Variants in CUX1 observed in about 807,000 individuals in gnomAD.
CUX1 encodes cut like homeobox 1.
Under a neutral mutation model 158.8 loss-of-function variants are expected in CUX1, and 31 were observed. The ratio of observed to expected loss-of-function variants is 0.20; its 90% confidence interval spans 0.15 to 0.26. The LOEUF (loss-of-function observed/expected upper bound fraction) is 0.26, where lower values mean the gene tolerates loss of function less well. Among genes scored for constraint, CUX1 ranks in the 10% least tolerant of loss-of-function variants. CUX1 has a pLI of 1.00. For missense variants in CUX1, 1,589 were observed against 2,014.6 expected (o/e 0.79, Z 4.04); for synonymous variants, 879 against 862.1 (o/e 1.02, Z -0.34).
chr7:102,024,827 A>G (rs1819798182), intron 2 of CUX1, among the ~76,000 whole-genome samples: 1 of 152,114 alleles, frequency 6.6e-6, no homozygotes, highest in Non-Finnish European at 1.5e-5. Flanking sequence ...TGAAAAGCAC[A>G]GTGGGTGAAA....
At chr7:102,231,221 G>A (rs981230787) in intron 21 of CUX1, among the ~76,000 whole-genome samples, 4 of 151,934 alleles carry the variant, frequency 2.6e-5, no homozygotes, top group Non-Finnish European at 4.4e-5. Context: ...TAGTAGAGAC[G>A]GGGTTTCACT....
Position 102,104,321 on chromosome 7 carries a change from T to TC in CUX1, c.407-15_407-14insC. ...TGCTTCTCTTACTGTAGGTTTTTTT[T>TC]TTTCTTTTCTGCAGAGGTTACGATA... On this transcript the variant is annotated splice_polypyrimidine_tract_variant and intron_variant, in intron 5 of 23. Coordinates refer to ENST00000292535, the MANE Select transcript of CUX1 (RefSeq NM_181552.4). 1 of 1,584,856 alleles carries TC rather than the reference T, an allele frequency of 6.3e-7. No individual in the cohort carries two copies. Among genetic ancestry groups the TC allele is most frequent in the South Asian group, 1.1e-5 (1 of 87,576 alleles).
At chr7:102,068,411 C>G (rs1287710936) in intron 3 of CUX1, among the ~76,000 whole-genome samples, 6 of 150,942 alleles carry the variant, frequency 4.0e-5, no homozygotes, top group Non-Finnish European at 5.9e-5. Flanking sequence ...GCCACCACAC[C>G]TGGCCCAGAA....
At chr7:101,989,587 AC>A (rs770560842) in intron 2 of CUX1, among the ~76,000 whole-genome samples, 1 of 152,216 alleles carries the variant, frequency 6.6e-6, no homozygotes, top group Non-Finnish European at 1.5e-5. Context: ...GCTCGAAGAC[AC>A]CATGGAGGTG....
downstream of CUX1, among the ~76,000 whole-genome samples, chr7:102,262,376 C>T (rs950445328): frequency 4.0e-4 from 29 of 72,274 alleles, no homozygotes; most frequent in African/African-American, 1.1e-3. Context: ...CCAGCCTGGG[C>T]GACAAAGCAA....
chr7:102,080,566 A>G (rs1196147628), intron 4 of CUX1, among the ~76,000 whole-genome samples: 3 of 152,148 alleles, frequency 2.0e-5, no homozygotes, highest in East Asian at 3.9e-4. Context: ...CGCAGAGCGC[A>G]CTGTGCAAAC....
chr7:102,277,941 C>G, intron 17 of CUX1: 1 of 1,478,584 alleles, frequency 6.8e-7, no homozygotes, highest in Non-Finnish European at 9.2e-7. Context: ...TTGCCCCTCC[C>G]CCCCCAGGAG....
intron 20 of CUX1, among the ~76,000 whole-genome samples, chr7:102,210,645 G>A (rs376368759): frequency 3.3e-5 from 5 of 152,300 alleles, no homozygotes; most frequent in East Asian, 1.9e-4. Flanking sequence ...TGGCTGAATC[G>A]TGAAATACCC....
intron 2 of CUX1, among the ~76,000 whole-genome samples, chr7:101,989,288 C>T (rs768938271): frequency 2.0e-5 from 3 of 152,216 alleles, no homozygotes. Flanking sequence ...AATGGCACCT[C>T]GCCTGGAACG....
chr7:101,824,213 C>G (rs1157560360), intron 1 of CUX1, among the ~76,000 whole-genome samples: 3 of 152,288 alleles, frequency 2.0e-5, no homozygotes, highest in South Asian at 2.1e-4. Flanking sequence ...TCAGCCCCCC[C>G]GAGTAGCTGT....
intron 2 of CUX1, chr7:101,932,421 G>A (rs1224822357): frequency 5.6e-6 from 2 of 359,790 alleles, no homozygotes; most frequent in Admixed American, 3.4e-5. Context: ...ACAGCACCAG[G>A]AATACGCGCA....
At chr7:102,152,787 G>A (rs1162575005) in intron 8 of CUX1, among the ~76,000 whole-genome samples, 3 of 152,188 alleles carry the variant, frequency 2.0e-5, no homozygotes, top group Admixed American at 6.5e-5. Context: ...TTCTGTGAAT[G>A]GAGACAGCAG....
intron 1 of CUX1, among the ~76,000 whole-genome samples, chr7:101,874,225 G>A (rs2131489961): frequency 6.6e-6 from 1 of 152,312 alleles, no homozygotes; most frequent in Non-Finnish European, 1.5e-5. Context: ...GCCAGTTGTG[G>A]AGAGGATCTC....
chr7:101,901,675 A>G (rs753186737), intron 1 of CUX1, among the ~76,000 whole-genome samples: 13 of 152,098 alleles, frequency 8.5e-5, no homozygotes, highest in Admixed American at 1.3e-4. Flanking sequence ...GGACCCCCCA[A>G]AGCGTATATG....
At chr7:101,972,271 C>CA (rs548254361) in intron 2 of CUX1, among the ~76,000 whole-genome samples, 110 of 152,290 alleles carry the variant, frequency 7.2e-4, no homozygotes, top group African/African-American at 2.5e-3. Flanking sequence ...CGGGCCAGAT[C>CA]AACTGATGTT....
chr7:102,266,951 C>T (rs1179405284), intron 14 of CUX1, among the ~76,000 whole-genome samples: 2 of 152,068 alleles, frequency 1.3e-5, no homozygotes, highest in African/African-American at 4.8e-5. Flanking sequence ...TGTGTACATG[C>T]CTGCTAGGAG....
chr7:102,213,640 G>A (rs529480959), intron 20 of CUX1, among the ~76,000 whole-genome samples: 5 of 152,346 alleles, frequency 3.3e-5, no homozygotes, highest in African/African-American at 1.2e-4. Context: ...TGGGCATTCA[G>A]TACAAGAGGC....
chr7:102,164,609 C>G (rs191134577), intron 9 of CUX1, among the ~76,000 whole-genome samples: 42 of 152,182 alleles, frequency 2.8e-4, no homozygotes, highest in Non-Finnish European at 5.4e-4. Context: ...CCATGGAGGC[C>G]TTGGCCACTG....
At chr7:102,126,539 C>T (rs1554495350) in intron 8 of CUX1, among the ~76,000 whole-genome samples, 1 of 151,990 alleles carries the variant, frequency 6.6e-6, no homozygotes, top group African/African-American at 2.4e-5. Flanking sequence ...TCCCCTAAAC[C>T]CATCGTAACT....
Sources: gnomAD v4.1 joint callset for allele counts (sites outside exome capture counted in the v4.1 genomes callset) on GRCh38, gnomAD v4.1.1 for gene constraint, MANE v1.5 for transcripts, NCBI Gene and HGNC (gene_info 2026-07-23, HGNC 2026-07-21) for gene names.